Variants in ALOX5 observed in about 807,000 individuals in gnomAD.
The protein encoded by ALOX5 is arachidonate 5-lipoxygenase.
In ALOX5, 64 loss-of-function variants were observed where a neutral mutation model predicts 87.9. The ratio of observed to expected loss-of-function variants is 0.73; its 90% CI spans 0.60 to 0.90. The LOEUF (loss-of-function observed/expected upper bound fraction) is 0.90. ALOX5 is among the 40% of genes least tolerant of loss of function. ALOX5 has a pLI of 0.00. For missense variants in ALOX5, 822 were observed against 907.5 expected (o/e 0.91, Z 1.21); for synonymous variants, 388 against 355.1 (o/e 1.09, Z -1.04).
chr10:45,444,770 T>G, intron 13 of ALOX5: 1 of 159,452 alleles, frequency 6.3e-6, no homozygotes. Flanking sequence ...GTCTGAGTTG[T>G]TCCCGGCCAA....
chr10:45,402,130 A>G (rs950770794), intron 3 of ALOX5, among the ~76,000 whole-genome samples: 4 of 151,304 alleles, frequency 2.6e-5, no homozygotes, highest in African/African-American at 7.3e-5. Context: ...TTCACGAGCC[A>G]TGTATGGGTC....
chr10:45,379,366 G>C (rs1449227037), intron 1 of ALOX5, among the ~76,000 whole-genome samples: 5 of 152,072 alleles, frequency 3.3e-5, no homozygotes, highest in Non-Finnish European at 7.4e-5. Context: ...GCCTCTGGTG[G>C]CCGCCCCTCA....
intron 6 of ALOX5, chr10:45,428,402 GCCATT>G (rs1226049080): frequency 1.7e-6 from 1 of 582,454 alleles, no homozygotes; most frequent in Admixed American, 3.2e-5. Context: ...ATGAGCTGCT[GCCATT>G]CCTTCATCTT....
At chr10:45,438,380 T>C (rs894246805) in intron 7 of ALOX5, among the ~76,000 whole-genome samples, 1 of 152,114 alleles carries the variant, frequency 6.6e-6, no homozygotes, top group Non-Finnish European at 1.5e-5. Flanking sequence ...GTAAAATGGG[T>C]ACAGCAAGGA....
chr10:45,408,992 A>G (rs1313546764), intron 3 of ALOX5, among the ~76,000 whole-genome samples: 2 of 152,184 alleles, frequency 1.3e-5, no homozygotes, highest in East Asian at 3.8e-4. Context: ...AATTCAGCCT[A>G]AAAGTTTCTC....
At chr10:45,413,526 C>T (rs1308895925) in intron 4 of ALOX5, among the ~76,000 whole-genome samples, 2 of 152,164 alleles carry the variant, frequency 1.3e-5, no homozygotes, top group Non-Finnish European at 2.9e-5. Flanking sequence ...CCTTTGAAAA[C>T]TGGCACAAGA....
chr10:45,407,164 G>A (rs563114693), intron 3 of ALOX5, among the ~76,000 whole-genome samples: 1 of 151,732 alleles, frequency 6.6e-6, no homozygotes, highest in African/African-American at 2.4e-5. Context: ...CTTAGATGAC[G>A]ATCTAAAAAA....
At chr10:45,421,348 C>T (rs1444560935) in intron 4 of ALOX5, among the ~76,000 whole-genome samples, 6 of 152,208 alleles carry the variant, frequency 3.9e-5, no homozygotes, top group Admixed American at 1.3e-4. Context: ...CCTGGTTCCT[C>T]CAAAGAACAG....
chr10:45,419,332 G>A (rs1316584863), intron 4 of ALOX5, among the ~76,000 whole-genome samples: 1 of 152,244 alleles, frequency 6.6e-6, no homozygotes, highest in South Asian at 2.1e-4. Context: ...AGGGACGCTG[G>A]GCACGAAGGA....
chr10:45,434,711 G>A (rs552608886), intron 7 of ALOX5, among the ~76,000 whole-genome samples: 1 of 152,252 alleles, frequency 6.6e-6, no homozygotes, highest in Non-Finnish European at 1.5e-5. Context: ...ACACAAGGAC[G>A]CAGTGTCACC....
At chr10:45,419,562 T>C (rs1215061434) in intron 4 of ALOX5, among the ~76,000 whole-genome samples, 1 of 152,084 alleles carries the variant, frequency 6.6e-6, no homozygotes, top group Non-Finnish European at 1.5e-5. Flanking sequence ...CCCAGCTACA[T>C]GGATGGCAGC....
chr10:45,442,981 G>A (rs1387078452), intron 9 of ALOX5, 57 bp from the exon 10 acceptor site: 1 of 1,561,502 alleles, frequency 6.4e-7, no homozygotes, highest in Non-Finnish European at 8.7e-7. Flanking sequence ...CTCAGGGATG[G>A]GTCTGGACAG....
intron 4 of ALOX5, among the ~76,000 whole-genome samples, chr10:45,412,742 C>T (rs973249107): frequency 1.3e-5 from 2 of 152,178 alleles, no homozygotes; most frequent in African/African-American, 2.4e-5. Flanking sequence ...CACAACCCCA[C>T]GAGGGAGCCA....
intron 2 of ALOX5, among the ~76,000 whole-genome samples, chr10:45,383,465 G>A (rs941846320): frequency 6.6e-6 from 1 of 152,182 alleles, no homozygotes; most frequent in Non-Finnish European, 1.5e-5. Flanking sequence ...CCTTCAGCTT[G>A]CTCTCAGTTT....
At chr10:45,438,871 G>A (rs1315954466) in intron 7 of ALOX5, among the ~76,000 whole-genome samples, 1 of 152,186 alleles carries the variant, frequency 6.6e-6, no homozygotes, top group Non-Finnish European at 1.5e-5. Flanking sequence ...GTCACACTCT[G>A]CTCTCCCTCC....
At chr10:45,392,557 G>A (rs1477401944) in intron 2 of ALOX5, among the ~76,000 whole-genome samples, 9 of 151,886 alleles carry the variant, frequency 5.9e-5, no homozygotes, top group Admixed American at 1.3e-4. Context: ...AGTACCCAGG[G>A]ACACAAACAC....
In ALOX5 at chr10:45,425,184, A is replaced by G; in HGVS notation, c.834+52A>G. 6.4e-7 allele frequency: 1 copy of G among 1,572,584 alleles called. No homozygotes were observed. The highest frequency in any genetic ancestry group is 8.6e-7 in the Non-Finnish European group (1 of 1,156,578). On this transcript the variant is annotated intron_variant, in intron 6 of 13. Coordinates refer to ENST00000374391, the MANE Select transcript of ALOX5 (RefSeq NM_000698.5). The surrounding 1 kb of genome is among the most constrained non-coding windows in gnomAD (Gnocchi z 4.4). ...GCCAAGGTCACAGTCTGTCAGGTGG[A>G]AGCCAGTTCCTCCTGGCCAGTGCTC...
chr10:45,415,135 C>T lies in ALOX5; in HGVS notation c.554+2822C>T, dbSNP rs1294230345. ...ATGCTGCTATAAAGACACATGCACACGTATGTTTATTGTGGCACTATTCAC... is the reference window on the plus strand; with the variant it reads ...ATGCTGCTATAAAGACACATGCACATGTATGTTTATTGTGGCACTATTCAC... On this transcript the variant is annotated intron_variant, in intron 4 of 13. Transcript: ENST00000374391. Among the ~76,000 whole-genome samples the T allele has an allele frequency of 6.6e-5, 10 of 152,208 alleles. No individual in the cohort carries two copies. In the East Asian group the frequency reaches 1.2e-3, roughly 18 times the overall value.
chr10:45,437,546 A>G (rs547062662), intron 7 of ALOX5, among the ~76,000 whole-genome samples: 4 of 152,308 alleles, frequency 2.6e-5, no homozygotes, highest in Non-Finnish European at 5.9e-5. Flanking sequence ...GCTGTTAGAT[A>G]TAAGGGAATG....
Sources: allele counts gnomAD v4.1 joint callset (sites outside exome capture counted in the v4.1 genomes callset), GRCh38; gene constraint gnomAD v4.1.1; non-coding constraint Gnocchi (gnomAD v3.1); transcripts MANE v1.5; gene names NCBI Gene and HGNC (gene_info 2026-07-23, HGNC 2026-07-21).